The following INPP4B variants were observed in gnomAD, a reference collection of about 807,000 sequenced individuals.
INPP4B encodes the protein inositol polyphosphate 4-phosphatase type II.
In INPP4B, 55 loss-of-function variants were observed where a neutral mutation model predicts 122.5. The observed-to-expected ratio is 0.45, with a 90% CI of 0.36 to 0.56. The LOEUF (loss-of-function observed/expected upper bound fraction) is 0.56. INPP4B is among the 20% of genes least tolerant of loss of function. The pLI is 0.00. For synonymous variants in INPP4B, 403 were observed against 388.7 expected (o/e 1.04, Z -0.43); for missense variants, 1,000 against 1,097.7 (o/e 0.91, Z 1.26).
intron 11 of INPP4B, among the ~76,000 whole-genome samples, chr4:142,256,304 C>G (rs1314010265): frequency 1.3e-5 from 2 of 151,560 alleles, no homozygotes; most frequent in Non-Finnish European, 2.9e-5. Context: ...ACTAGAAAAG[C>G]AAGAGCAAAC....
At chr4:142,685,827 T>C (rs944894715) in intron 2 of INPP4B, among the ~76,000 whole-genome samples, 4 of 152,160 alleles carry the variant, frequency 2.6e-5, no homozygotes, top group Non-Finnish European at 5.9e-5. Flanking sequence ...TTAAAATATG[T>C]GTCAAGACAA....
intron 7 of INPP4B, among the ~76,000 whole-genome samples, chr4:142,372,965 A>G (rs1790459283): frequency 1.3e-5 from 2 of 151,864 alleles, no homozygotes; most frequent in Non-Finnish European, 2.9e-5. Context: ...TGCCTACACA[A>G]TACATACATA....
At chr4:142,613,481 C>T (rs756713011) in intron 2 of INPP4B, among the ~76,000 whole-genome samples, 6 of 152,078 alleles carry the variant, frequency 3.9e-5, no homozygotes, top group Non-Finnish European at 8.8e-5. Flanking sequence ...CATGAGTTAC[C>T]ATCATACATA....
intron 3 of INPP4B, among the ~76,000 whole-genome samples, chr4:142,444,808 C>A (rs956236086): frequency 6.6e-6 from 1 of 152,004 alleles, no homozygotes; most frequent in African/African-American, 2.4e-5. Flanking sequence ...CACATAAACA[C>A]CATGGAAGAG....
At chr4:142,754,939 G>C (rs1300809289) in intron 1 of INPP4B, among the ~76,000 whole-genome samples, 1 of 151,922 alleles carries the variant, frequency 6.6e-6, no homozygotes, top group African/African-American at 2.4e-5. Context: ...GCATTTGTAT[G>C]GCACATCAAA....
In INPP4B at chr4:142,801,457, C is replaced by T. The variant is rs75485302; in HGVS notation, c.-254+44752G>A. ...TACATGCAGAGACACCAGGGTTGCACGTGCACAGAAGGACTGTATGAGGAC... is the reference window on the plus strand; with the variant it reads ...TACATGCAGAGACACCAGGGTTGCATGTGCACAGAAGGACTGTATGAGGAC... On this transcript the variant is annotated intron_variant, in intron 1 of 25. Coordinates refer to ENST00000262992, the MANE Select transcript of INPP4B (RefSeq NM_001101669.3). Among the ~76,000 whole-genome samples, 1,326 of 152,232 alleles carry T rather than the reference C, an allele frequency of 8.7e-3. 18 individuals are homozygous for T. The highest frequency in any genetic ancestry group is 0.03 in the African/African-American group (1,250 of 41,538).
At chr4:142,630,759 G>A (rs1476149081) in intron 2 of INPP4B, among the ~76,000 whole-genome samples, 5 of 152,056 alleles carry the variant, frequency 3.3e-5, no homozygotes, top group Non-Finnish European at 5.9e-5. Flanking sequence ...ACAGCACTAG[G>A]AAAAATGGAA....
At chr4:142,795,046 T>C (rs538447577) in intron 1 of INPP4B, 2 of 152,038 alleles carry the variant, frequency 1.3e-5, no homozygotes, top group African/African-American at 4.8e-5. Flanking sequence ...ATAAAGTTGA[T>C]TAATAAAGCA....
chr4:142,616,956 G>T (rs1403478750), intron 2 of INPP4B, among the ~76,000 whole-genome samples: 1 of 151,964 alleles, frequency 6.6e-6, no homozygotes. Context: ...GGGTAGGAAG[G>T]GTATGAGGAA....
intron 2 of INPP4B, among the ~76,000 whole-genome samples, chr4:142,662,152 G>A (rs959437280): frequency 2.6e-5 from 4 of 151,972 alleles, no homozygotes; most frequent in East Asian, 1.9e-4. Flanking sequence ...GGAGAATGGC[G>A]TGAACCTGGC....
At chr4:142,299,215 G>A (rs1459704225) in intron 9 of INPP4B, among the ~76,000 whole-genome samples, 1 of 132,426 alleles carries the variant, frequency 7.6e-6, no homozygotes, top group Non-Finnish European at 1.5e-5. Flanking sequence ...CTGGAGTATA[G>A]TAGTACGATC....
chr4:142,104,653 T>C (rs983823468), intron 23 of INPP4B, among the ~76,000 whole-genome samples: 6 of 152,078 alleles, frequency 3.9e-5, no homozygotes, highest in African/African-American at 1.4e-4. Flanking sequence ...AACAGCTTTG[T>C]CCATCAGATA....
chr4:142,673,321 A>G (rs1757262393), intron 2 of INPP4B, among the ~76,000 whole-genome samples: 1 of 152,070 alleles, frequency 6.6e-6, no homozygotes, highest in Admixed American at 6.6e-5. Flanking sequence ...AAGTAGAGAT[A>G]GTGCAATTTT....
chr4:142,364,259 GCTTT>G (rs1214349432), intron 7 of INPP4B, among the ~76,000 whole-genome samples: 2 of 151,960 alleles, frequency 1.3e-5, no homozygotes, highest in Admixed American at 1.3e-4. Context: ...CATCTTCAGA[GCTTT>G]CTAAGACAGC....
intron 9 of INPP4B, among the ~76,000 whole-genome samples, chr4:142,282,057 A>G (rs1344342900): frequency 6.6e-6 from 1 of 152,108 alleles, no homozygotes; most frequent in African/African-American, 2.4e-5. Flanking sequence ...TGATAAACAA[A>G]TGTGATATGT....
chr4:142,211,343 G>GA (rs1844798660), intron 12 of INPP4B, among the ~76,000 whole-genome samples: 1 of 152,148 alleles, frequency 6.6e-6, no homozygotes, highest in South Asian at 2.1e-4. Flanking sequence ...CTTGGTTCAT[G>GA]AAAATTGGTA....
At chr4:142,645,890 A>C (rs1475805360) in intron 2 of INPP4B, among the ~76,000 whole-genome samples, 1 of 152,182 alleles carries the variant, frequency 6.6e-6, no homozygotes, top group Admixed American at 6.6e-5. Context: ...AAAATGAAAG[A>C]TCCTTTTTAG....
rs1235823402 is a variant in INPP4B, at chr4:142,359,209, AAAAC to A, written c.372+43725_372+43728del. 4.7e-5 allele frequency among the ~76,000 whole-genome samples: 7 copies of A among 150,012 alleles called. No individual in the cohort carries two copies. In the East Asian group the frequency reaches 8.0e-4, roughly 17 times the overall value. On this transcript the variant is annotated intron_variant, in intron 7 of 25. Transcript: ENST00000262992. ...AAAAGACTGTAAAGAACACTGGCAA[AAAAC>A]AAACAAACAAACAAAAAAAAAAAAC...
intron 2 of INPP4B, among the ~76,000 whole-genome samples, chr4:142,596,988 C>G (rs983177062): frequency 6.6e-6 from 1 of 152,196 alleles, no homozygotes; most frequent in African/African-American, 2.4e-5. Flanking sequence ...CCTGCCTAGG[C>G]TCCACAGCCA....
Sources: gnomAD v4.1 joint callset for allele counts (sites outside exome capture counted in the v4.1 genomes callset) on GRCh38, gnomAD v4.1.1 for gene constraint, MANE v1.5 for transcripts, NCBI Gene and HGNC (gene_info 2026-07-23, HGNC 2026-07-21) for gene names.